PRKG1: variants seen among roughly 807,000 people sequenced by gnomAD.
PRKG1 encodes protein kinase cGMP-dependent 1, also known as cGMP-dependent protein kinase 1.
In PRKG1, 35 loss-of-function variants were observed where a neutral mutation model predicts 88.1. The observed-to-expected ratio is 0.40, with a 90% CI of 0.30 to 0.53. The LOEUF is 0.53. Ranked by LOEUF, PRKG1 falls within the 20% of genes least tolerant of loss-of-function variation. The pLI, the probability that PRKG1 is intolerant of heterozygous loss-of-function variation, is 0.59. For synonymous variants in PRKG1, 303 were observed against 292.5 expected (o/e 1.04, Z -0.37); for missense variants, 540 against 839.8 (o/e 0.64, Z 4.41).
intron 1 of PRKG1, among the ~76,000 whole-genome samples, chr10:51,131,597 TA>T (rs1190036677): frequency 1.3e-5 from 2 of 152,152 alleles, no homozygotes; most frequent in African/African-American, 4.8e-5. Flanking sequence ...CATACATACA[TA>T]CGTGCATACA....
At chr10:51,928,988 T>C (rs1272403413) in intron 5 of PRKG1, among the ~76,000 whole-genome samples, 1 of 152,182 alleles carries the variant, frequency 6.6e-6, no homozygotes, top group East Asian at 1.9e-4. Flanking sequence ...GTAATTAAAT[T>C]GTTTATTCTA....
chr10:51,113,202 G>A (rs903441936), intron 1 of PRKG1, among the ~76,000 whole-genome samples: 1 of 152,202 alleles, frequency 6.6e-6, no homozygotes, highest in Non-Finnish European at 1.5e-5. Flanking sequence ...TCAGTCACTA[G>A]TGAGTGAGGT....
chr10:51,334,586 T>C (rs1841826601), intron 2 of PRKG1, among the ~76,000 whole-genome samples: 1 of 152,202 alleles, frequency 6.6e-6, no homozygotes, highest in South Asian at 2.1e-4. Context: ...CTCTCTTCCG[T>C]GGCCTCTTTT....
chr10:51,706,965 T>G (rs1176353443), intron 3 of PRKG1, among the ~76,000 whole-genome samples: 2 of 152,222 alleles, frequency 1.3e-5, no homozygotes, highest in African/African-American at 4.8e-5. Context: ...GACACAAGTT[T>G]TAGTCTGATG....
chr10:51,093,801 TACACACACAC>T (rs57772981), intron 1 of PRKG1, among the ~76,000 whole-genome samples: 167 of 127,672 alleles, frequency 1.3e-3, no homozygotes, highest in Non-Finnish European at 1.1e-3. Flanking sequence ...TATATATATA[TACACACACAC>T]ACACACACAC....
rs189128123 is a variant in PRKG1, at chr10:52,035,736, G to A, written c.763-18748G>A. ...GAGCCGGGGAGCAGAAAGTATGTGC[G>A]TCAGGTATGAGGAAGAAAATAGATT... On this transcript the variant is annotated intron_variant, in intron 5 of 17. Coordinates refer to ENST00000373980, the MANE Select transcript of PRKG1 (RefSeq NM_006258.4). Among the ~76,000 whole-genome samples the A allele has an allele frequency of 1.1e-3, 167 of 152,142 alleles. 1 individual carries two copies. The East Asian group carries it at 0.025, about 23-fold the overall frequency.
chr10:51,687,283 A>T (rs1430279593), intron 3 of PRKG1, among the ~76,000 whole-genome samples: 1 of 152,222 alleles, frequency 6.6e-6, no homozygotes. Flanking sequence ...TTTCCAATAC[A>T]TTTACTGAAA....
intron 3 of PRKG1, among the ~76,000 whole-genome samples, chr10:51,661,431 C>T (rs930270619): frequency 6.6e-6 from 1 of 152,106 alleles, no homozygotes; most frequent in Non-Finnish European, 1.5e-5. Flanking sequence ...TATGAACAGA[C>T]ACTTCTCAAA....
intron 5 of PRKG1, among the ~76,000 whole-genome samples, chr10:51,922,030 A>G (rs1842473381): frequency 6.6e-6 from 1 of 151,862 alleles, no homozygotes; most frequent in South Asian, 2.1e-4. Context: ...CTGTGAATCT[A>G]TTAGGGCCTA....
intron 5 of PRKG1, among the ~76,000 whole-genome samples, chr10:51,934,993 C>T (rs1842772601): frequency 6.6e-6 from 1 of 152,070 alleles, no homozygotes; most frequent in African/African-American, 2.4e-5. Context: ...TTTCTATCTG[C>T]CTCTAGCCTA....
At chr10:51,031,892 G>A (rs909872233) in intron 1 of PRKG1, among the ~76,000 whole-genome samples, 2 of 152,166 alleles carry the variant, frequency 1.3e-5, no homozygotes, top group South Asian at 2.1e-4. Context: ...AAATGAACCT[G>A]TGATTTTAGG....
chr10:51,057,039 G>T (rs1485438107), intron 1 of PRKG1, among the ~76,000 whole-genome samples: 3 of 152,164 alleles, frequency 2.0e-5, no homozygotes, highest in African/African-American at 7.2e-5. Flanking sequence ...AATCATACCT[G>T]AGTTATACAC....
At chr10:52,069,011 C>T (rs1213062877) in intron 7 of PRKG1, among the ~76,000 whole-genome samples, 1 of 105,528 alleles carries the variant, frequency 9.5e-6, no homozygotes, top group Non-Finnish European at 2.4e-5. Flanking sequence ...AAGAACTTTC[C>T]CAGCTGTTGC....
intron 5 of PRKG1, among the ~76,000 whole-genome samples, chr10:51,948,709 G>A (rs1268458314): frequency 1.3e-5 from 2 of 152,028 alleles, no homozygotes; most frequent in Non-Finnish European, 1.5e-5. Flanking sequence ...TAGTTTGAAG[G>A]CTATCATCAC....
rs1009051707 is a variant in PRKG1 at position 51,336,364 on chromosome 10, A to C, written c.479-131359A>C. 2.0e-5 allele frequency among the ~76,000 whole-genome samples: 3 copies of C among 152,202 alleles called. No individual in the cohort carries two copies. In the East Asian group the frequency reaches 5.8e-4, roughly 29 times the overall value. ...CAAGACTCCATCTCAAAAAATAAAT[A>C]AATAAATAAATAAATAAAATAGCAT... On this transcript the variant is annotated intron_variant, in intron 2 of 17. Transcript: ENST00000373980.
At chr10:52,132,901 G>A (rs917368066) in intron 7 of PRKG1, among the ~76,000 whole-genome samples, 7 of 152,114 alleles carry the variant, frequency 4.6e-5, no homozygotes, top group African/African-American at 1.4e-4. Flanking sequence ...TAAGCACACT[G>A]TGGAGAACGG....
chr10:52,287,504 A>G (rs1193883490), intron 14 of PRKG1, among the ~76,000 whole-genome samples: 1 of 151,714 alleles, frequency 6.6e-6, no homozygotes, highest in Non-Finnish European at 1.5e-5. Context: ...CAAAAAAAAT[A>G]ATAATTCAGA....
At chr10:51,461,330 A>G (rs1268654873) in intron 2 of PRKG1, among the ~76,000 whole-genome samples, 1 of 152,180 alleles carries the variant, frequency 6.6e-6, no homozygotes, top group Non-Finnish European at 1.5e-5. Context: ...TGTCAAAGAA[A>G]AGTGACCTCT....
In PRKG1 at chr10:51,348,348, G is replaced by T. The variant is rs1055209874; in HGVS notation, c.479-119375G>T. On this transcript the variant is annotated intron_variant, in intron 2 of 17. Transcript: ENST00000373980. The stretch of plus-strand genomic sequence containing the variant: ...TGTTAGCCCGTCAGTGGAATCTTGA[G>T]ATGCACAACAAATTAAATATATAAT... Among the ~76,000 whole-genome samples, 6 of 152,016 alleles carry T rather than the reference G, an allele frequency of 3.9e-5. No homozygotes were observed. The East Asian group carries it at 1.2e-3, about 29-fold the overall frequency.
Sources: gnomAD v4.1 joint callset for allele counts (sites outside exome capture counted in the v4.1 genomes callset) on GRCh38, gnomAD v4.1.1 for gene constraint, MANE v1.5 for transcripts, NCBI Gene and HGNC (gene_info 2026-07-23, HGNC 2026-07-21) for gene names.